Variants in CFAP54 observed in about 807,000 individuals in gnomAD.
The protein encoded by CFAP54 is cilia- and flagella-associated protein 54.
CFAP54 carries 290 observed loss-of-function variants against 370.4 expected under a neutral mutation model. The observed-to-expected ratio is 0.78, with a 90% CI of 0.71 to 0.86. CFAP54 has a LOEUF of 0.86. Ranked by LOEUF, CFAP54 falls within the 40% of genes least tolerant of loss-of-function variation. The pLI, the probability that CFAP54 is intolerant of heterozygous loss-of-function variation, is 0.00. For synonymous variants in CFAP54, 1,206 were observed against 1,236.5 expected (o/e 0.98, Z 0.52); for missense variants, 3,399 against 3,528.7 (o/e 0.96, Z 0.93).
chr12:96,867,909 A>G (rs367854376), intron 67 of CFAP54, among the ~76,000 whole-genome samples: 10 of 152,346 alleles, frequency 6.6e-5, no homozygotes, highest in African/African-American at 2.4e-4. Flanking sequence ...TTCTCACCAC[A>G]AAAAATAAGT....
chr12:96,764,643 T>C (rs1958379651), intron 59 of CFAP54, among the ~76,000 whole-genome samples: 1 of 151,980 alleles, frequency 6.6e-6, no homozygotes. Flanking sequence ...GAAAAAAAAA[T>C]TACATTATTT....
At chr12:96,632,823 T>A (rs570440346) in intron 32 of CFAP54, among the ~76,000 whole-genome samples, 25 of 152,198 alleles carry the variant, frequency 1.6e-4, no homozygotes, top group Non-Finnish European at 2.8e-4. Flanking sequence ...GGAAGGTTTT[T>A]AAAAATTATT....
At chr12:96,811,885 T>G in intron 64 of CFAP54, 43 bp downstream of exon 64, 1 of 1,199,880 alleles carries the variant, frequency 8.3e-7, no homozygotes, top group Non-Finnish European at 1.1e-6. Context: ...TGTTGTTATC[T>G]CTCACGAGAA....
At chr12:96,521,547 TGCGC>T (rs35540268) in intron 6 of CFAP54, among the ~76,000 whole-genome samples, 73 of 39,542 alleles carry the variant, frequency 1.8e-3, no homozygotes, top group African/African-American at 5.8e-3. Flanking sequence ...TGTGTGTGTG[TGCGC>T]GTGCGCACAT....
chr12:96,490,320 T>C (rs76765096), intron 1 of CFAP54, among the ~76,000 whole-genome samples: 2 of 152,234 alleles, frequency 1.3e-5, no homozygotes, highest in African/African-American at 2.4e-5. Flanking sequence ...ATAGCAAAAT[T>C]AAGAAAAAGT....
chr12:96,666,528 G>C (rs1424726686), intron 39 of CFAP54, among the ~76,000 whole-genome samples: 1 of 152,218 alleles, frequency 6.6e-6, no homozygotes, highest in Non-Finnish European at 1.5e-5. Flanking sequence ...AGGCAAAGGA[G>C]GAGCAAAGGC....
At chr12:96,661,661 A>G (rs1956995636) in intron 38 of CFAP54, among the ~76,000 whole-genome samples, 1 of 152,206 alleles carries the variant, frequency 6.6e-6, no homozygotes, top group Non-Finnish European at 1.5e-5. Context: ...CACTGAGAGT[A>G]ATCTCCCTTG....
rs895608725 is a variant in CFAP54 at position 96,533,993 on chromosome 12, C to T, written c.1539+20C>T. 1.4e-6 allele frequency: 2 copies of T among 1,476,104 alleles called. No individual in the cohort carries two copies. The highest frequency in any genetic ancestry group is 1.5e-5 in the African/African-American group (1 of 64,788). The allele number at this position is 1,476,104 out of a possible 1,614,324, so 91.4% of individuals were successfully genotyped here. On this transcript the variant is annotated intron_variant, in intron 10 of 67. Coordinates refer to ENST00000524981, the MANE Select transcript of CFAP54 (RefSeq NM_001306084.2). ...CTCCAGGTAATATATGCAAAATTATCCTCCTGGTTTTTTTTTTGTTAAAAT... is the reference window on the plus strand; with the variant it reads ...CTCCAGGTAATATATGCAAAATTATTCTCCTGGTTTTTTTTTTGTTAAAAT...
At chr12:96,489,974 C>T (rs1316322331) in intron 1 of CFAP54, 48 bp downstream of exon 1, 2 of 1,474,874 alleles carry the variant, frequency 1.4e-6, no homozygotes, top group African/African-American at 1.4e-5. Context: ...GAGGAGGGAC[C>T]CCTGGAAAGG....
At chr12:96,657,688 G>A (rs568280957) in intron 36 of CFAP54, among the ~76,000 whole-genome samples, 194 bp from the exon 37 acceptor site, 1 of 152,296 alleles carries the variant, frequency 6.6e-6, no homozygotes, top group South Asian at 2.1e-4. Flanking sequence ...TATATAGCAC[G>A]TTTCCATCAT....
chr12:96,776,560 A>C (rs1198042244), intron 60 of CFAP54, among the ~76,000 whole-genome samples: 1 of 152,174 alleles, frequency 6.6e-6, no homozygotes, highest in Non-Finnish European at 1.5e-5. Flanking sequence ...TAATTTTTTT[A>C]AAAATCCAGC....
At chr12:96,733,363 T>G (rs1262914635) in intron 50 of CFAP54, among the ~76,000 whole-genome samples, 1 of 152,190 alleles carries the variant, frequency 6.6e-6, no homozygotes, top group Non-Finnish European at 1.5e-5. Flanking sequence ...AATAAAATTA[T>G]GTGTCAAGGA....
intron 3 of CFAP54, among the ~76,000 whole-genome samples, chr12:96,505,789 A>G (rs917432219): frequency 6.6e-5 from 10 of 151,890 alleles, no homozygotes; most frequent in Non-Finnish European, 1.3e-4. Flanking sequence ...ATCTCATCCA[A>G]CCTTACAAAA....
At chr12:96,647,736 G>T (rs1412197448) in intron 33 of CFAP54, 139 bp from the exon 34 acceptor site, 3 of 690,782 alleles carry the variant, frequency 4.3e-6, no homozygotes, top group African/African-American at 3.8e-5. Context: ...GTTGGGCTTT[G>T]ATTAAGTGAC....
At chr12:96,682,993 A>G (rs1957288526) in intron 40 of CFAP54, among the ~76,000 whole-genome samples, 1 of 152,036 alleles carries the variant, frequency 6.6e-6, no homozygotes, top group Non-Finnish European at 1.5e-5. Context: ...TTGCTTTTCT[A>G]CAGCTTCAGT....
chr12:96,784,418 T>A (rs1014711643), intron 60 of CFAP54, among the ~76,000 whole-genome samples: 1 of 152,150 alleles, frequency 6.6e-6, no homozygotes, highest in Non-Finnish European at 1.5e-5. Context: ...TTTGTCCACT[T>A]TTTCTATGAA....
chr12:96,539,064 G>GTTTTTTTTTTTTTTTTT (rs1314197505), intron 13 of CFAP54, among the ~76,000 whole-genome samples: 5 of 111,834 alleles, frequency 4.5e-5, no homozygotes, highest in African/African-American at 7.1e-5. Context: ...GCCTTTTCAG[G>GTTTTTTTTTTTTTTTTT]TTTTTTTTTT....
At chr12:96,673,103 A>G (rs1460916087) in intron 39 of CFAP54, among the ~76,000 whole-genome samples, 3 of 152,260 alleles carry the variant, frequency 2.0e-5, no homozygotes, top group Non-Finnish European at 2.9e-5. Context: ...ATTTGAATAG[A>G]TAAAATTTTC....
At chr12:96,690,645 ATTTGTTTG>A (rs537000580) in intron 43 of CFAP54, among the ~76,000 whole-genome samples, 2 of 151,592 alleles carry the variant, frequency 1.3e-5, no homozygotes, top group East Asian at 3.9e-4. Flanking sequence ...GTTTTTTTTT[ATTTGTTTG>A]TTTGTTTGTT....
Sources: allele counts gnomAD v4.1 joint callset (sites outside exome capture counted in the v4.1 genomes callset), GRCh38; gene constraint gnomAD v4.1.1; transcripts MANE v1.5; gene names NCBI Gene and HGNC (gene_info 2026-07-23, HGNC 2026-07-21).